The following NTRK3 variants were observed in gnomAD, a reference collection of about 807,000 sequenced individuals.
NTRK3 encodes NT-3 growth factor receptor.
In NTRK3, 24 loss-of-function variants were observed where a neutral mutation model predicts 91.7. That is an observed-to-expected ratio of 0.26 (90% confidence interval 0.19 to 0.37). The LOEUF (loss-of-function observed/expected upper bound fraction) is 0.37, where lower values mean the gene tolerates loss of function less well. Among genes scored for constraint, NTRK3 ranks in the 10% least tolerant of loss-of-function variants. The probability of loss-of-function intolerance (pLI) is 1.00; values close to 1 mark genes in which losing one functional copy is unlikely to be tolerated. For missense variants in NTRK3, 880 were observed against 1,068.9 expected (o/e 0.82, Z 2.46); for synonymous variants, 483 against 404.0 (o/e 1.20, Z -2.34).
chr15:87,967,932 A>C (rs1380965187), intron 14 of NTRK3, among the ~76,000 whole-genome samples: 1 of 152,208 alleles, frequency 6.6e-6, no homozygotes, highest in East Asian at 1.9e-4. Flanking sequence ...CCCTGGCTCC[A>C]AAGGGACTCA....
At chr15:88,175,007 T>A (rs2045868318) in intron 5 of NTRK3, among the ~76,000 whole-genome samples, 2 of 152,210 alleles carry the variant, frequency 1.3e-5, no homozygotes, top group South Asian at 4.1e-4. Context: ...AACATCTCTC[T>A]CATTTGTGTT....
chr15:88,163,593 T>C (rs2044663041), intron 5 of NTRK3, among the ~76,000 whole-genome samples: 1 of 152,228 alleles, frequency 6.6e-6, no homozygotes. Flanking sequence ...GTCTTCTTGA[T>C]GCCTAGCAAG....
chr15:88,135,259 T>C (rs1199513223), exon 10 of NTRK3: 3 of 1,614,138 alleles, frequency 1.9e-6, no homozygotes, highest in Non-Finnish European at 2.5e-6. Flanking sequence ...GTATTCCACA[T>C]GGATGATCTT....
chr15:87,890,870 G>A (rs548578657), intron 17 of NTRK3, among the ~76,000 whole-genome samples: 29 of 152,238 alleles, frequency 1.9e-4, no homozygotes, highest in East Asian at 3.9e-4. Flanking sequence ...AACATGGATC[G>A]TTGGAGTGCT....
At chr15:87,944,729 A>G (rs966503975) in intron 14 of NTRK3, among the ~76,000 whole-genome samples, 1 of 152,178 alleles carries the variant, frequency 6.6e-6, no homozygotes, top group Non-Finnish European at 1.5e-5. Context: ...CATCTTCCCA[A>G]GGGCGAGGGC....
At chr15:88,102,958 C>T (rs573346060) in intron 13 of NTRK3, among the ~76,000 whole-genome samples, 5 of 152,202 alleles carry the variant, frequency 3.3e-5, no homozygotes, top group African/African-American at 7.2e-5. Flanking sequence ...GGTAGTAATA[C>T]GAAAAACAGC....
At chr15:88,100,212 C>T (rs2050029614) in intron 13 of NTRK3, among the ~76,000 whole-genome samples, 1 of 152,194 alleles carries the variant, frequency 6.6e-6, no homozygotes, top group African/African-American at 2.4e-5. Context: ...AAGGGAGACA[C>T]ACACAGCAAA....
At chr15:87,954,239 A>T (rs1446735752) in intron 14 of NTRK3, among the ~76,000 whole-genome samples, 1 of 152,004 alleles carries the variant, frequency 6.6e-6, no homozygotes, top group Non-Finnish European at 1.5e-5. Context: ...TACAAATTCC[A>T]ACTAGGGGAT....
At position 88,255,867 on chromosome 15, in the gene NTRK3, C is replaced by A; in HGVS notation, c.248+39G>T. 2 of 1,577,780 alleles carry A rather than the reference C, an allele frequency of 1.3e-6. No individual in the cohort carries two copies. Among genetic ancestry groups the A allele is most frequent in the Non-Finnish European group, 1.7e-6 (2 of 1,157,118 alleles). On this transcript the variant is annotated intron_variant, in intron 3 of 18. Transcript: ENST00000394480. The surrounding 1 kb of genome is among the most constrained non-coding windows in gnomAD (Gnocchi z 4.3). ...GGGTGGGCAGGAGGGAGACGCAGAGCGCGGGGGAGGCAGGCTGGGGAGCGG... is the reference window on the plus strand; with the variant it reads ...GGGTGGGCAGGAGGGAGACGCAGAGAGCGGGGGAGGCAGGCTGGGGAGCGG...
At chr15:88,156,539 C>G (rs1261807052) in intron 5 of NTRK3, among the ~76,000 whole-genome samples, 3 of 152,266 alleles carry the variant, frequency 2.0e-5, no homozygotes, top group African/African-American at 7.2e-5. Flanking sequence ...TGGCTGCACC[C>G]TTAGAGCTAG....
At chr15:88,108,359 CA>C (rs2050942039) in intron 13 of NTRK3, among the ~76,000 whole-genome samples, 1 of 152,192 alleles carries the variant, frequency 6.6e-6, no homozygotes. Context: ...ACACACAGCA[CA>C]AAAGGAAGTT....
At chr15:88,198,568 T>A (rs2048027883) in intron 3 of NTRK3, among the ~76,000 whole-genome samples, 2 of 152,232 alleles carry the variant, frequency 1.3e-5, no homozygotes, top group Admixed American at 1.3e-4. Context: ...ATGTATGTAA[T>A]CCTGTCACCT....
intron 5 of NTRK3, among the ~76,000 whole-genome samples, chr15:88,148,180 G>C (rs2043053912): frequency 6.6e-6 from 1 of 152,180 alleles, no homozygotes; most frequent in African/African-American, 2.4e-5. Context: ...AACACGATGT[G>C]TGTATACTTG....
At chr15:88,156,845 G>A (rs1040180451) in intron 5 of NTRK3, among the ~76,000 whole-genome samples, 1 of 152,114 alleles carries the variant, frequency 6.6e-6, no homozygotes, top group African/African-American at 2.4e-5. Context: ...CTGGAACCCA[G>A]TAAGTGCTCA....
intron 13 of NTRK3, among the ~76,000 whole-genome samples, chr15:88,078,699 C>G (rs914538002): frequency 6.6e-6 from 1 of 152,262 alleles, no homozygotes; most frequent in South Asian, 2.1e-4. Context: ...TAAGTGAAGG[C>G]CTCTGCCACC....
At chr15:88,091,260 C>T (rs114210577) in intron 13 of NTRK3, among the ~76,000 whole-genome samples, 2,527 of 152,272 alleles carry the variant, frequency 0.017, 72 homozygotes, top group African/African-American at 0.056. Context: ...GGAATTAGGG[C>T]AGATTCTCTT....
intron 3 of NTRK3, among the ~76,000 whole-genome samples, chr15:88,220,906 G>A (rs1165928184): frequency 2.6e-5 from 4 of 152,164 alleles, no homozygotes; most frequent in African/African-American, 9.7e-5. Flanking sequence ...GGATGCCTCT[G>A]AACCTCCAGG....
chr15:88,154,434 C>T (rs1033386925), intron 5 of NTRK3, among the ~76,000 whole-genome samples: 3 of 152,214 alleles, frequency 2.0e-5, no homozygotes, highest in African/African-American at 7.2e-5. Flanking sequence ...CAACTGCTGC[C>T]GCCCAACATT....
At chr15:87,980,638 G>A (rs541740689) in intron 14 of NTRK3, among the ~76,000 whole-genome samples, 1 of 152,316 alleles carries the variant, frequency 6.6e-6, no homozygotes, top group South Asian at 2.1e-4. Flanking sequence ...GGGGCCTCTG[G>A]ACATTGGGAA....
Sources: allele counts gnomAD v4.1 joint callset (sites outside exome capture counted in the v4.1 genomes callset), GRCh38; gene constraint gnomAD v4.1.1; non-coding constraint Gnocchi (gnomAD v3.1); transcripts MANE v1.5; gene names NCBI Gene and HGNC (gene_info 2026-07-23, HGNC 2026-07-21).